The following CCSER2 variants were observed in gnomAD, a reference collection of about 807,000 sequenced individuals.
The protein encoded by CCSER2 is serine-rich coiled-coil domain-containing protein 2.
In CCSER2, 46 loss-of-function variants were observed where a neutral mutation model predicts 92.3. The observed-to-expected ratio is 0.50, with a 90% CI of 0.39 to 0.64. CCSER2 has a LOEUF of 0.64. Among genes scored for constraint, CCSER2 ranks in the 30% least tolerant of loss-of-function variants. The pLI is 0.00. For missense variants in CCSER2, 1,244 were observed against 1,238.9 expected (o/e 1.00, Z -0.06); for synonymous variants, 433 against 431.4 (o/e 1.00, Z -0.04).
intron 9 of CCSER2, among the ~76,000 whole-genome samples, chr10:84,501,605 C>T (rs995846492): frequency 6.6e-6 from 1 of 150,756 alleles, no homozygotes; most frequent in Non-Finnish European, 1.5e-5. Context: ...TTCAGTGGCT[C>T]TCCATTTTCA....
chr10:84,420,683 C>G (rs928631736), intron 4 of CCSER2, among the ~76,000 whole-genome samples: 2 of 152,018 alleles, frequency 1.3e-5, no homozygotes, highest in African/African-American at 4.8e-5. Flanking sequence ...CCTGTAATCC[C>G]AGCGCTTTGG....
chr10:84,383,218 A>G (rs985110138), intron 3 of CCSER2, among the ~76,000 whole-genome samples: 2 of 152,156 alleles, frequency 1.3e-5, no homozygotes, highest in Non-Finnish European at 2.9e-5. Context: ...GAAGTTTTTA[A>G]TTGCTCTCTA....
chr10:84,490,205 A>G (rs1193957797), intron 9 of CCSER2, among the ~76,000 whole-genome samples: 1 of 152,002 alleles, frequency 6.6e-6, no homozygotes, highest in East Asian at 1.9e-4. Context: ...GGTGAATCTG[A>G]CAATTATGTG....
intron 3 of CCSER2, among the ~76,000 whole-genome samples, chr10:84,417,561 A>G (rs1387729767): frequency 6.6e-6 from 1 of 152,242 alleles, no homozygotes; most frequent in Non-Finnish European, 1.5e-5. Flanking sequence ...AGGAAAGACT[A>G]GGAGGAAGAC....
intron 5 of CCSER2, among the ~76,000 whole-genome samples, chr10:84,428,129 C>T (rs1385899313): frequency 6.6e-6 from 1 of 152,060 alleles, no homozygotes; most frequent in Non-Finnish European, 1.5e-5. Context: ...GTCATTTAAC[C>T]CTCTGTTTGC....
chr10:84,391,714 C>T (rs1373183968), intron 3 of CCSER2: 13 of 1,502,328 alleles, frequency 8.7e-6, no homozygotes, highest in South Asian at 7.9e-5. Flanking sequence ...GTCTTGGTTA[C>T]GTGTGTCTTC....
chr10:84,507,801 A>G (rs566845610), intron 9 of CCSER2, among the ~76,000 whole-genome samples: 2 of 152,028 alleles, frequency 1.3e-5, no homozygotes, highest in African/African-American at 2.4e-5. Flanking sequence ...GCCTTTTTTC[A>G]TGTTCATTAT....
intron 6 of CCSER2, among the ~76,000 whole-genome samples, chr10:84,445,805 T>G (rs1230500139): frequency 3.3e-5 from 5 of 152,214 alleles, no homozygotes; most frequent in African/African-American, 1.2e-4. Context: ...TGCTGTAGAG[T>G]ATTCCATTGT....
intron 1 of CCSER2, among the ~76,000 whole-genome samples, chr10:84,348,230 C>T (rs964964876): frequency 2.6e-5 from 4 of 152,252 alleles, no homozygotes; most frequent in Non-Finnish European, 5.9e-5. Flanking sequence ...GCTGGCGGAT[C>T]ACTCGCGGTT....
chr10:84,424,779 TC>T (rs1843341822), intron 4 of CCSER2, among the ~76,000 whole-genome samples: 1 of 152,166 alleles, frequency 6.6e-6, no homozygotes, highest in Non-Finnish European at 1.5e-5. Context: ...GAGAAACCTT[TC>T]CTGTTTTGTG....
intron 9 of CCSER2, among the ~76,000 whole-genome samples, chr10:84,498,185 A>G (rs1244663858): frequency 6.6e-6 from 1 of 152,238 alleles, no homozygotes; most frequent in East Asian, 1.9e-4. Context: ...CAGTGGGTAG[A>G]AGCTTGGTTC....
At chr10:84,499,103 C>T (rs1014047012) in intron 9 of CCSER2, among the ~76,000 whole-genome samples, 34 of 152,014 alleles carry the variant, frequency 2.2e-4, no homozygotes, top group Admixed American at 1.5e-3. Flanking sequence ...TTATTTTTAC[C>T]TGCTAATCCT....
chr10:84,366,112 T>A (rs1845762736), intron 1 of CCSER2, among the ~76,000 whole-genome samples: 1 of 152,138 alleles, frequency 6.6e-6, no homozygotes, highest in Admixed American at 6.5e-5. Flanking sequence ...AAAATTTTAA[T>A]GTTAAATTTT....
intron 5 of CCSER2, among the ~76,000 whole-genome samples, chr10:84,428,805 A>T (rs1028797903): frequency 6.6e-6 from 1 of 152,080 alleles, no homozygotes; most frequent in African/African-American, 2.4e-5. Flanking sequence ...GAGTGTTTTT[A>T]TCATGAAAGG....
chr10:84,512,272 C>T (rs2131884026), intron 9 of CCSER2, among the ~76,000 whole-genome samples: 1 of 151,476 alleles, frequency 6.6e-6, no homozygotes, highest in Middle Eastern at 3.4e-3. Flanking sequence ...ATTAGCATAG[C>T]AAAAAAAACT....
intron 6 of CCSER2, among the ~76,000 whole-genome samples, chr10:84,456,858 G>A (rs1251580615): frequency 7.9e-6 from 1 of 126,524 alleles, no homozygotes; most frequent in African/African-American, 2.5e-5. Context: ...ATTTTCATAT[G>A]ACTGTTTGCC....
intron 6 of CCSER2, among the ~76,000 whole-genome samples, chr10:84,448,580 AACTTTATT>A (rs1352454357): frequency 1.3e-5 from 2 of 152,232 alleles, no homozygotes; most frequent in African/African-American, 4.8e-5. Context: ...AAAAAGTATC[AACTTTATT>A]GAGACAGAAT....
intron 9 of CCSER2, among the ~76,000 whole-genome samples, chr10:84,499,099 T>C: frequency 6.6e-6 from 1 of 152,202 alleles, no homozygotes; most frequent in South Asian, 2.1e-4. Flanking sequence ...TTCTTTATTT[T>C]TACCTGCTAA....
In CCSER2 at chr10:84,513,570, G is replaced by A. The variant is rs374962481; in HGVS notation, c.2447G>A (p.Gly816Asp). The change falls in exon 10 of 10, where the codon GGC (glycine) becomes GAC (aspartate). Residue 816 changes from glycine (G) to aspartate (D), a missense_variant. Physicochemically the swap from Gly to Asp is moderately conservative, Grantham distance 94 (BLOSUM62 -1). Coordinates refer to ENST00000372088, the MANE Select transcript of CCSER2 (RefSeq NM_001284240.2). ...SECSIQDMHQGGAHPEESFTH... is the reference protein window; with the variant it reads ...SECSIQDMHQDGAHPEESFTH... ...TGCTCAATCCAAGACATGCATCAGG[G>A]CGGTGCACATCCGGAAGAAAGCTTT... The A allele has an allele frequency of 2.5e-6, 4 of 1,613,894 alleles. No homozygotes were observed. In the African/African-American group the frequency reaches 5.3e-5, roughly 22 times the overall value.
Sources: gnomAD v4.1 joint callset for allele counts (sites outside exome capture counted in the v4.1 genomes callset) on GRCh38, gnomAD v4.1.1 for gene constraint, MANE v1.5 for transcripts, NCBI Gene and HGNC (gene_info 2026-07-23, HGNC 2026-07-21) for gene names.